Variants in AFF2 observed in about 807,000 individuals in gnomAD.
AFF2 encodes AF4/FMR2 family member 2.
AFF2 carries 14 observed loss-of-function variants against 76.9 expected under a neutral mutation model. The ratio of observed to expected loss-of-function variants is 0.18; its 90% CI spans 0.12 to 0.28. The LOEUF (loss-of-function observed/expected upper bound fraction) is 0.28, where lower values mean the gene tolerates loss of function less well. Ranked by LOEUF, AFF2 falls within the 10% of genes least tolerant of loss-of-function variation. The pLI, the probability that AFF2 is intolerant of heterozygous loss-of-function variation, is 1.00. For synonymous variants in AFF2, 398 were observed against 366.7 expected (o/e 1.09, Z -0.98); for missense variants, 868 against 1,001.1 (o/e 0.87, Z 1.79).
chrX:148,715,034 T>C lies in AFF2; in HGVS notation c.1041+52266T>C, dbSNP rs1557263235. On this transcript the variant is annotated intron_variant, in intron 3 of 20. Coordinates refer to ENST00000370460, the MANE Select transcript of AFF2 (RefSeq NM_002025.4). ...GAGTGAAAGTTCAAAAATGAGTTGA[T>C]GGTGTCTGCCAGGAAAAACCAGGAA... Among the ~76,000 whole-genome samples the C allele has an allele frequency of 4.5e-5, 5 of 110,658 alleles. No individual in the cohort carries two copies. In the South Asian group the frequency reaches 2.0e-3, roughly 43 times the overall value.
chrX:148,729,024 C>T (rs1372681386), intron 3 of AFF2, among the ~76,000 whole-genome samples: 4 of 112,045 alleles, frequency 3.6e-5, no homozygotes, highest in Non-Finnish European at 3.8e-5. Context: ...TGTCTACACA[C>T]GTAGTTGTGT....
intron 9 of AFF2, among the ~76,000 whole-genome samples, chrX:148,945,092 A>G (rs1266176168): frequency 9.0e-6 from 1 of 111,403 alleles, no homozygotes; most frequent in Non-Finnish European, 1.9e-5. Flanking sequence ...CACTACGGCC[A>G]TGGATATAGC....
At chrX:148,512,636 C>G (rs1000425646) in intron 1 of AFF2, among the ~76,000 whole-genome samples, 1 of 112,346 alleles carries the variant, frequency 8.9e-6, no homozygotes, top group Non-Finnish European at 1.9e-5. Context: ...CCAACAGCTA[C>G]GCATAGTAGA....
intron 7 of AFF2, among the ~76,000 whole-genome samples, chrX:148,858,125 T>G (rs916003335): frequency 4.5e-5 from 5 of 111,428 alleles, no homozygotes; most frequent in Non-Finnish European, 7.6e-5. Context: ...AAAGCAACGT[T>G]TCTTATAAAT....
At chrX:148,658,980 A>C (rs782304880) in intron 2 of AFF2, among the ~76,000 whole-genome samples, 5 of 112,153 alleles carry the variant, frequency 4.5e-5, no homozygotes, top group Non-Finnish European at 9.4e-5. Context: ...TATAAAAATA[A>C]GTGAAATGTA....
At chrX:148,939,925 A>G (rs997312638) in intron 9 of AFF2, among the ~76,000 whole-genome samples, 2 of 112,266 alleles carry the variant, frequency 1.8e-5, no homozygotes, top group African/African-American at 6.5e-5. Context: ...AACACCTTGA[A>G]TTTAGGCACA....
intron 1 of AFF2, among the ~76,000 whole-genome samples, chrX:148,556,701 C>T (rs781994183): frequency 1.8e-5 from 2 of 112,018 alleles, no homozygotes; most frequent in African/African-American, 3.2e-5. Context: ...AAGGCTTTAT[C>T]GCATTGGCCA....
chrX:148,697,461 C>T (rs1557261399), intron 3 of AFF2, among the ~76,000 whole-genome samples: 1 of 111,416 alleles, frequency 9.0e-6, no homozygotes, highest in Non-Finnish European at 1.9e-5. Flanking sequence ...ATAGATCTTG[C>T]CTTTATGTCC....
chrX:148,829,535 C>T (rs2070427981), intron 4 of AFF2, among the ~76,000 whole-genome samples: 1 of 111,881 alleles, frequency 8.9e-6, no homozygotes, highest in Non-Finnish European at 1.9e-5. Context: ...TTCCCCCACC[C>T]CATCCCTGGG....
intron 4 of AFF2, among the ~76,000 whole-genome samples, chrX:148,813,448 A>G (rs1557271941): frequency 8.9e-6 from 1 of 112,460 alleles, no homozygotes; most frequent in African/African-American, 3.2e-5. Context: ...CTCATTTCAA[A>G]TAATAATAAA....
intron 1 of AFF2, among the ~76,000 whole-genome samples, chrX:148,538,401 C>G (rs924013072): frequency 9.0e-6 from 1 of 111,587 alleles, no homozygotes; most frequent in Admixed American, 9.5e-5. Context: ...GCCATGCTGC[C>G]GGTCCCTGGA....
chrX:148,991,065 A>G, intron 20 of AFF2, 146 bp from the exon 21 acceptor site: 1 of 644,481 alleles, frequency 1.6e-6, no homozygotes, highest in South Asian at 4.2e-5. Context: ...CACTCTATAA[A>G]TGTTTGTTGA....
intron 3 of AFF2, among the ~76,000 whole-genome samples, chrX:148,702,758 C>CAA (rs2054817767): frequency 8.9e-6 from 1 of 112,256 alleles, no homozygotes; most frequent in East Asian, 2.8e-4. Flanking sequence ...GCATTTTAAA[C>CAA]AAAAGTGGCT....
At chrX:148,553,449 G>T (rs1173262040) in intron 1 of AFF2, among the ~76,000 whole-genome samples, 4 of 111,907 alleles carry the variant, frequency 3.6e-5, no homozygotes, top group Non-Finnish European at 5.6e-5. Flanking sequence ...TTTGTTACAA[G>T]CATATTTTAT....
chrX:148,806,366 G>A (rs782095265), intron 3 of AFF2, among the ~76,000 whole-genome samples: 3 of 111,993 alleles, frequency 2.7e-5, no homozygotes, highest in East Asian at 2.8e-4. Flanking sequence ...CAGCCATGTC[G>A]AATCCTTGGC....
intron 18 of AFF2, 103 bp downstream of exon 18, chrX:148,978,558 T>C: frequency 1.8e-6 from 1 of 569,641 alleles, no homozygotes; most frequent in South Asian, 3.3e-5. Flanking sequence ...AGGCTTAACC[T>C]CTCTCCTCCC....
intron 7 of AFF2, among the ~76,000 whole-genome samples, chrX:148,883,221 C>G (rs1332100211): frequency 9.0e-6 from 1 of 111,663 alleles, no homozygotes; most frequent in African/African-American, 3.3e-5. Flanking sequence ...TTGAGATGCC[C>G]TTAGACATTT....
At position 148,739,449 on chromosome X, in the gene AFF2, C is replaced by A. The variant is rs1219557394; in HGVS notation, c.1042-70427C>A. Among the ~76,000 whole-genome samples, 5 of 111,240 alleles carry A rather than the reference C, an allele frequency of 4.5e-5. No homozygotes were observed. In the Admixed American group the frequency reaches 4.8e-4, roughly 11 times the overall value. ...CTAAGTATAGCTACCCCCTGCTTTA[C>A]CCCCTGCTTGCTTTTGGTGTCCATT... On this transcript the variant is annotated intron_variant, in intron 3 of 20. Coordinates refer to ENST00000370460, the MANE Select transcript of AFF2 (RefSeq NM_002025.4).
At chrX:148,983,461 C>A (rs1408769752) in intron 19 of AFF2, among the ~76,000 whole-genome samples, 1 of 111,832 alleles carries the variant, frequency 8.9e-6, no homozygotes, top group Non-Finnish European at 1.9e-5. Flanking sequence ...ATTGGTGAAG[C>A]CCTGAACTAT....
Sources: allele counts gnomAD v4.1 joint callset (sites outside exome capture counted in the v4.1 genomes callset), GRCh38; gene constraint gnomAD v4.1.1; transcripts MANE v1.5; gene names NCBI Gene and HGNC (gene_info 2026-07-23, HGNC 2026-07-21).